Variants in EML1 observed in about 807,000 individuals in gnomAD.
EML1 encodes the protein echinoderm microtubule-associated protein-like 1.
Under a neutral mutation model 110.4 loss-of-function variants are expected in EML1, and 27 were observed. That is an observed-to-expected ratio of 0.24 (90% confidence interval 0.18 to 0.34). The LOEUF (loss-of-function observed/expected upper bound fraction) is 0.34, where lower values mean the gene tolerates loss of function less well. Ranked by LOEUF, EML1 falls within the 10% of genes least tolerant of loss-of-function variation. EML1 has a pLI of 1.00. For missense variants in EML1, 741 were observed against 1,030.9 expected (o/e 0.72, Z 3.85); for synonymous variants, 344 against 385.8 (o/e 0.89, Z 1.27).
intron 1 of EML1, among the ~76,000 whole-genome samples, chr14:99,750,351 A>C (rs1478857735): frequency 1.3e-5 from 2 of 152,202 alleles, no homozygotes; most frequent in Non-Finnish European, 2.9e-5. Context: ...CTGGCAGCAC[A>C]TGGGGGCAGG....
intron 1 of EML1, among the ~76,000 whole-genome samples, chr14:99,842,582 A>G (rs4905904): frequency 0.68 from 103,796 of 152,078 alleles, 35,525 homozygotes; most frequent in Non-Finnish European, 0.7. Flanking sequence ...CTGACATTTC[A>G]GTTTTTAACC....
intron 17 of EML1, among the ~76,000 whole-genome samples, chr14:99,934,771 C>T (rs925365508): frequency 6.6e-6 from 1 of 152,184 alleles, no homozygotes; most frequent in Non-Finnish European, 1.5e-5. Context: ...GACCTTTTCC[C>T]GGACTCACCT....
At chr14:99,920,640 A>C in intron 16 of EML1, 149 bp from the exon 17 acceptor site, 1 of 619,034 alleles carries the variant, frequency 1.6e-6, no homozygotes, top group Non-Finnish European at 2.7e-6. Flanking sequence ...ATTTTCTTTG[A>C]ATGAAAGCTG....
At chr14:99,834,335 C>T (rs1341170875) in intron 1 of EML1, among the ~76,000 whole-genome samples, 3 of 149,300 alleles carry the variant, frequency 2.0e-5, no homozygotes, top group Non-Finnish European at 4.4e-5. Flanking sequence ...CAAAGTCTTG[C>T]TCTATCACCC....
chr14:99,756,836 C>T (rs1003176769), intron 1 of EML1, among the ~76,000 whole-genome samples: 16 of 152,278 alleles, frequency 1.1e-4, no homozygotes, highest in Admixed American at 5.9e-4. Flanking sequence ...CCCCCTCTCA[C>T]GTCCCCTTTC....
At chr14:99,829,478 A>C (rs957241789) in intron 1 of EML1, among the ~76,000 whole-genome samples, 1 of 152,258 alleles carries the variant, frequency 6.6e-6, no homozygotes, top group African/African-American at 2.4e-5. Context: ...AAATATATGT[A>C]ACAAAATTTG....
intron 1 of EML1, among the ~76,000 whole-genome samples, chr14:99,783,945 G>A (rs756423233): frequency 3.2e-4 from 48 of 152,242 alleles, no homozygotes; most frequent in Non-Finnish European, 6.5e-4. Context: ...GCGATGGAGT[G>A]AATGAACAAA....
At chr14:99,908,014 G>C (rs983729087) in intron 10 of EML1, among the ~76,000 whole-genome samples, 5 of 152,238 alleles carry the variant, frequency 3.3e-5, no homozygotes, top group Non-Finnish European at 7.3e-5. Flanking sequence ...TTTGCTGGCT[G>C]TTCCTTTCAT....
rs2059830853 is a variant in EML1 at position 99,905,537 on chromosome 14, A to T, written c.1009-2101A>T. On this transcript the variant is annotated intron_variant, in intron 9 of 21. Transcript: ENST00000262233. The surrounding 1 kb of genome is among the most constrained non-coding windows in gnomAD (Gnocchi z 4.1). ...AAAGTTCAGGTGGCTGCCTGTTGAT[A>T]ACGAAGGGATCTTTCCCAGCAGTCC... Among the ~76,000 whole-genome samples, 1 of 152,190 alleles carries T rather than the reference A, an allele frequency of 6.6e-6. No homozygotes were observed. Among genetic ancestry groups the T allele is most frequent in the Non-Finnish European group, 1.5e-5 (1 of 68,034 alleles).
intron 1 of EML1, among the ~76,000 whole-genome samples, chr14:99,739,115 AGAGAGTGTGTGT>A (rs1463567260): frequency 3.9e-4 from 33 of 85,638 alleles, no homozygotes; most frequent in Non-Finnish European, 4.9e-4. Context: ...AGAGAGAGAG[AGAGAGTGTGTGT>A]GTGTGTGTGT....
intron 1 of EML1, among the ~76,000 whole-genome samples, chr14:99,765,128 G>A (rs1343648331): frequency 6.6e-6 from 1 of 151,984 alleles, no homozygotes; most frequent in African/African-American, 2.4e-5. Context: ...ATTTGTAGAG[G>A]TGGGGTCTTC....
chr14:99,744,082 C>A (rs1334739833), intron 1 of EML1, among the ~76,000 whole-genome samples: 1 of 152,112 alleles, frequency 6.6e-6, no homozygotes, highest in Admixed American at 6.5e-5. Context: ...AATTTTTGCA[C>A]TTTGATTTCA....
intron 17 of EML1, among the ~76,000 whole-genome samples, chr14:99,924,475 G>T (rs1441709069): frequency 6.6e-6 from 1 of 152,150 alleles, no homozygotes; most frequent in Non-Finnish European, 1.5e-5. Flanking sequence ...GGTACAGTAA[G>T]AGATTAATGA....
At chr14:99,849,634 G>C (rs1214928578) in intron 1 of EML1, among the ~76,000 whole-genome samples, 1 of 150,744 alleles carries the variant, frequency 6.6e-6, no homozygotes, top group Non-Finnish European at 1.5e-5. Context: ...TGCAACTTCT[G>C]CCTCCTGGGT....
intron 1 of EML1, among the ~76,000 whole-genome samples, chr14:99,746,309 C>T (rs185444588): frequency 2.6e-5 from 4 of 152,246 alleles, no homozygotes; most frequent in South Asian, 2.1e-4. Context: ...CTGGGTGTGG[C>T]GGTGGCTTGG....
intron 1 of EML1, among the ~76,000 whole-genome samples, chr14:99,813,514 A>G (rs978399637): frequency 6.6e-6 from 1 of 152,126 alleles, no homozygotes; most frequent in African/African-American, 2.4e-5. Context: ...CAGGAGTTTG[A>G]GACCAGCCTA....
At chr14:99,920,468 T>C (rs2060111155) in intron 16 of EML1, among the ~76,000 whole-genome samples, 1 of 152,238 alleles carries the variant, frequency 6.6e-6, no homozygotes, top group African/African-American at 2.4e-5. Flanking sequence ...CCATATGCCC[T>C]GGCACTAGGT....
At chr14:99,883,068 C>T (rs563972953) in intron 4 of EML1, among the ~76,000 whole-genome samples, 12 of 152,266 alleles carry the variant, frequency 7.9e-5, no homozygotes, top group Admixed American at 4.6e-4. Context: ...TCACTGCTGC[C>T]GTCGGCTCAA....
chr14:99,883,079 C>T (rs1334071919), intron 4 of EML1, among the ~76,000 whole-genome samples: 1 of 152,196 alleles, frequency 6.6e-6, no homozygotes, highest in Non-Finnish European at 1.5e-5. Context: ...GTCGGCTCAA[C>T]AGTACTCCTT....
Sources: gnomAD v4.1 joint callset for allele counts (sites outside exome capture counted in the v4.1 genomes callset) on GRCh38, gnomAD v4.1.1 for gene constraint, Gnocchi (gnomAD v3.1) non-coding constraint, MANE v1.5 for transcripts, NCBI Gene and HGNC (gene_info 2026-07-23, HGNC 2026-07-21) for gene names.